ATP8B1: variants seen among roughly 807,000 people sequenced by gnomAD.
The protein encoded by ATP8B1 is ATPase phospholipid transporting 8B1.
Under a neutral mutation model 149.9 loss-of-function variants are expected in ATP8B1, and 80 were observed. That is an observed-to-expected ratio of 0.53 (90% CI 0.45 to 0.64). The LOEUF (loss-of-function observed/expected upper bound fraction) is 0.64, where lower values mean the gene tolerates loss of function less well. Among genes scored for constraint, ATP8B1 ranks in the 30% least tolerant of loss-of-function variants. The pLI, the probability that ATP8B1 is intolerant of heterozygous loss-of-function variation, is 0.00. For missense variants in ATP8B1, 1,247 were observed against 1,552.6 expected (o/e 0.80, Z 3.31); for synonymous variants, 536 against 562.8 (o/e 0.95, Z 0.67).
intron 27 of ATP8B1, among the ~76,000 whole-genome samples, chr18:57,649,597 C>G (rs1235681320): frequency 6.6e-6 from 1 of 152,028 alleles, no homozygotes; most frequent in Admixed American, 6.6e-5. Context: ...TCAGATTGCC[C>G]CCCCCAACCC....
At chr18:57,665,786 C>G (rs895717815) in intron 20 of ATP8B1, among the ~76,000 whole-genome samples, 4 of 152,016 alleles carry the variant, frequency 2.6e-5, no homozygotes, top group African/African-American at 9.7e-5. Flanking sequence ...ATCCTGACCT[C>G]GTGATCCACC....
chr18:57,756,206 TATATAC>T (rs1353725425), intron 1 of ATP8B1, among the ~76,000 whole-genome samples: 2 of 79,444 alleles, frequency 2.5e-5, no homozygotes, highest in Non-Finnish European at 5.4e-5. Flanking sequence ...TATATATATA[TATATAC>T]ACACACACAC....
chr18:57,696,097 C>T (rs1473184879), intron 8 of ATP8B1, among the ~76,000 whole-genome samples: 1 of 152,124 alleles, frequency 6.6e-6, no homozygotes, highest in Non-Finnish European at 1.5e-5. Flanking sequence ...GTGAGGCTGC[C>T]GTCTCACGAC....
At chr18:57,779,897 CAA>C (rs35023925) in intron 1 of ATP8B1, among the ~76,000 whole-genome samples, 9 of 107,716 alleles carry the variant, frequency 8.4e-5, no homozygotes, top group Admixed American at 1.0e-4. Context: ...AACTCCGTCT[CAA>C]AAAAAAAAAA....
intron 1 of ATP8B1, among the ~76,000 whole-genome samples, chr18:57,752,605 C>T (rs1599193547): frequency 6.6e-6 from 1 of 151,568 alleles, no homozygotes; most frequent in Non-Finnish European, 1.5e-5. Context: ...TCTTATATTT[C>T]CCCCTTCGAT....
chr18:57,656,681 T>C (rs574479858), intron 22 of ATP8B1, among the ~76,000 whole-genome samples: 2 of 148,124 alleles, frequency 1.4e-5, no homozygotes, highest in Admixed American at 6.9e-5. Context: ...CTGGCCGAAA[T>C]AGATATATTT....
In ATP8B1 at chr18:57,667,172, A is replaced by G. The variant is rs775943570; in HGVS notation, c.2210-5T>C. 3.7e-6 allele frequency: 6 copies of G among 1,600,266 alleles called. No individual in the cohort carries two copies. The highest frequency in any genetic ancestry group is 5.1e-6 in the Non-Finnish European group (6 of 1,167,458). ...ATCCTATATTTTCAGCAGTTTCTAC[A>G]ATAGAATAAAATTAAGTCAAATGTC... On this transcript the variant is annotated splice_polypyrimidine_tract_variant and splice_region_variant and intron_variant, in intron 19 of 27. Transcript: ENST00000648908.
At chr18:57,742,739 G>A (rs1276793619) in intron 1 of ATP8B1, among the ~76,000 whole-genome samples, 3 of 151,812 alleles carry the variant, frequency 2.0e-5, no homozygotes, top group African/African-American at 4.8e-5. Context: ...CAGAAGGATC[G>A]CTTGAGCCCA....
chr18:57,759,976 G>C (rs918491231), intron 1 of ATP8B1, among the ~76,000 whole-genome samples: 2 of 152,078 alleles, frequency 1.3e-5, no homozygotes, highest in Non-Finnish European at 2.9e-5. Flanking sequence ...TCATGTAGGA[G>C]AGCTGCTAGG....
intron 15 of ATP8B1, among the ~76,000 whole-genome samples, chr18:57,679,327 T>C (rs975008315): frequency 2.6e-5 from 4 of 152,054 alleles, no homozygotes; most frequent in Non-Finnish European, 5.9e-5. Flanking sequence ...AACTTCAGGA[T>C]CATGCAATAT....
chr18:57,692,721 C>T (rs1391840797), intron 11 of ATP8B1, among the ~76,000 whole-genome samples: 2 of 152,068 alleles, frequency 1.3e-5, no homozygotes, highest in East Asian at 1.9e-4. Flanking sequence ...AGGTGGCCCT[C>T]ACCCAGCCAG....
chr18:57,714,180 T>C (rs1431203354), intron 2 of ATP8B1, among the ~76,000 whole-genome samples: 3 of 152,218 alleles, frequency 2.0e-5, no homozygotes, highest in Admixed American at 1.3e-4. Context: ...GTGGTGGACA[T>C]GGGGAGAGGC....
At chr18:57,761,039 AATAAAATAAAATAACATAAAATAAC>A (rs2080147466) in intron 1 of ATP8B1, among the ~76,000 whole-genome samples, 1 of 143,100 alleles carries the variant, frequency 7.0e-6, no homozygotes, top group Admixed American at 6.9e-5. Flanking sequence ...AAATAAAATA[AATAAAATAAAATAACATAAAATAAC>A]ATAAAATAAA....
At chr18:57,703,636 T>TA (rs1285774808) in intron 4 of ATP8B1, among the ~76,000 whole-genome samples, 1 of 151,786 alleles carries the variant, frequency 6.6e-6, no homozygotes, top group Non-Finnish European at 1.5e-5. Context: ...TTAAGCTATG[T>TA]AATCCGCACG....
chr18:57,653,150 A>C (rs1000330355), intron 24 of ATP8B1, among the ~76,000 whole-genome samples: 6 of 152,130 alleles, frequency 3.9e-5, no homozygotes, highest in African/African-American at 1.2e-4. Context: ...TTTCTTTTTA[A>C]GAATTGGTAT....
At chr18:57,796,185 A>T (rs1233586594) in intron 1 of ATP8B1, among the ~76,000 whole-genome samples, 2 of 152,340 alleles carry the variant, frequency 1.3e-5, no homozygotes, top group East Asian at 3.9e-4. Flanking sequence ...AAAAAAATTT[A>T]AAAACTCCCA....
chr18:57,701,342 GTC>G lies in ATP8B1; in HGVS notation c.394-31_394-30del, dbSNP rs760793430. 3 of 1,579,192 alleles carry G rather than the reference GTC, an allele frequency of 1.9e-6. No homozygotes were observed. In the African/African-American group the frequency reaches 4.0e-5, roughly 21 times the overall value. On this transcript the variant is annotated intron_variant, in intron 4 of 27. Coordinates refer to ENST00000648908, the MANE Select transcript of ATP8B1 (RefSeq NM_001374385.1). ...AAAGAATAAAAGGGCTTATGTGTGT[GTC>G]CATGAAGGCATATCAAGCTTACAGG...
At chr18:57,787,652 G>A (rs756915482) in intron 1 of ATP8B1, among the ~76,000 whole-genome samples, 1 of 152,158 alleles carries the variant, frequency 6.6e-6, no homozygotes, top group Non-Finnish European at 1.5e-5. Context: ...GGCTTTTAGA[G>A]CCCATTGGTT....
chr18:57,682,878 A>G (rs928530249), intron 15 of ATP8B1, among the ~76,000 whole-genome samples: 2 of 152,072 alleles, frequency 1.3e-5, no homozygotes, highest in East Asian at 3.9e-4. Context: ...TCACTCCATC[A>G]CCGAAGCTGG....
Sources: allele counts gnomAD v4.1 joint callset (sites outside exome capture counted in the v4.1 genomes callset), GRCh38; gene constraint gnomAD v4.1.1; transcripts MANE v1.5; gene names NCBI Gene and HGNC (gene_info 2026-07-23, HGNC 2026-07-21).